THBS4: variants seen among roughly 807,000 people sequenced by gnomAD.
THBS4 encodes the protein thrombospondin-4.
In THBS4, 90 loss-of-function variants were observed where a neutral mutation model predicts 115.7. The ratio of observed to expected loss-of-function variants is 0.78; its 90% confidence interval spans 0.66 to 0.93. The LOEUF (loss-of-function observed/expected upper bound fraction) is 0.93, where lower values mean the gene tolerates loss of function less well. THBS4 is among the 40% of genes least tolerant of loss of function. THBS4 has a pLI of 0.00. For missense variants in THBS4, 1,087 were observed against 1,232.7 expected, an observed-to-expected ratio of 0.88 and a Z score of 1.77; for synonymous variants, 460 against 479.3, an observed-to-expected ratio of 0.96 and a Z score of 0.53.
At chr5:80,083,010 C>T (rs1048870538) in intron 21 of THBS4, 70 bp from the exon 22 acceptor site, 67 of 1,437,760 alleles carry the variant, frequency 4.7e-5, no homozygotes, top group Non-Finnish European at 6.6e-5. Context: ...ACGCCTGAGC[C>T]GCGGGCGGGG....
At chr5:80,011,468 A>G (rs1464087229) in intron 2 of THBS4, among the ~76,000 whole-genome samples, 2 of 152,178 alleles carry the variant, frequency 1.3e-5, no homozygotes, top group Non-Finnish European at 2.9e-5. Context: ...GGGAGAAGGG[A>G]TACTGGGGAG....
chr5:80,053,478 C>A (rs1833317787), intron 2 of THBS4, among the ~76,000 whole-genome samples: 1 of 150,740 alleles, frequency 6.6e-6, no homozygotes. Flanking sequence ...AGTTTTAGTT[C>A]CTAGAAGTGG....
At position 80,041,517 on chromosome 5, in the gene THBS4, G is replaced by A. The variant is rs537455914; in HGVS notation, c.292+1237G>A. Among the ~76,000 whole-genome samples, 17 of 152,236 alleles carry A rather than the reference G, an allele frequency of 1.1e-4. No homozygotes were observed. The South Asian group carries it at 1.2e-3, about 11-fold the overall frequency. On this transcript the variant is annotated intron_variant, in intron 2 of 21. Transcript: ENST00000350881. The stretch of plus-strand genomic sequence containing the variant: ...TAACTCCTTAAGCACCTACCTGGCC[G>A]TGATGGAAAGAATATACCTCAACCA...
intron 2 of THBS4, among the ~76,000 whole-genome samples, chr5:80,018,582 A>C (rs1832298724): frequency 6.6e-6 from 1 of 151,762 alleles, no homozygotes; most frequent in African/African-American, 2.4e-5. Flanking sequence ...TTTAGTAGAG[A>C]TGGGGTTTCA....
chr5:80,076,496 C>T (rs1449988489), intron 15 of THBS4, among the ~76,000 whole-genome samples: 1 of 152,230 alleles, frequency 6.6e-6, no homozygotes, highest in Non-Finnish European at 1.5e-5. Flanking sequence ...CCAGGATTTA[C>T]ACTGAGGCTG....
intron 12 of THBS4, 80 bp downstream of exon 12, chr5:80,070,830 T>A (rs1236303106): frequency 6.4e-7 from 1 of 1,572,222 alleles, no homozygotes; most frequent in Admixed American, 1.7e-5. Context: ...CAACTATGTA[T>A]ATGAATCATC....
At chr5:80,047,414 G>T (rs1289465960) in intron 2 of THBS4, among the ~76,000 whole-genome samples, 2 of 151,912 alleles carry the variant, frequency 1.3e-5, no homozygotes, top group Non-Finnish European at 2.9e-5. Context: ...TTTGTTTTCT[G>T]TTTTTTGTTT....
At chr5:80,045,657 A>G (rs1482410429) in intron 2 of THBS4, among the ~76,000 whole-genome samples, 3 of 151,848 alleles carry the variant, frequency 2.0e-5, no homozygotes, top group Non-Finnish European at 4.4e-5. Flanking sequence ...CAGCCTCCCA[A>G]TTAGCTGGGA....
At chr5:79,998,631 C>T (rs1417416412) in intron 2 of THBS4, among the ~76,000 whole-genome samples, 1 of 152,136 alleles carries the variant, frequency 6.6e-6, no homozygotes, top group Non-Finnish European at 1.5e-5. Context: ...TAATATCGTA[C>T]AATAGTTACA....
intron 4 of THBS4, 74 bp from the exon 5 acceptor site, chr5:80,058,634 A>G: frequency 8.0e-7 from 1 of 1,254,762 alleles, no homozygotes; most frequent in Non-Finnish European, 1.2e-6. Context: ...TTTCCTGGGG[A>G]ATAATTTGGT....
intron 2 of THBS4, among the ~76,000 whole-genome samples, chr5:80,010,840 G>C (rs1277509790): frequency 2.0e-5 from 3 of 152,264 alleles, no homozygotes; most frequent in Non-Finnish European, 4.4e-5. Flanking sequence ...CCAGGAAAGG[G>C]ATGTGACCTT....
At chr5:79,995,682 C>T (rs538511718) in intron 1 of THBS4, among the ~76,000 whole-genome samples, 121 of 152,000 alleles carry the variant, frequency 8.0e-4, no homozygotes, top group Non-Finnish European at 1.4e-3. Flanking sequence ...GGCTGGCAGG[C>T]ATTGAAAATG....
At chr5:80,025,282 A>G (rs771979764) in intron 2 of THBS4, among the ~76,000 whole-genome samples, 9 of 152,212 alleles carry the variant, frequency 5.9e-5, no homozygotes, top group Non-Finnish European at 1.2e-4. Flanking sequence ...ATATGAGTAC[A>G]AGGACATATG....
chr5:80,032,731 G>A (rs536892823), upstream of THBS4, among the ~76,000 whole-genome samples: 38 of 152,284 alleles, frequency 2.5e-4, no homozygotes, highest in South Asian at 5.4e-3. Flanking sequence ...CTGCTCTTCC[G>A]TCTTCTCCTG....
intron 2 of THBS4, among the ~76,000 whole-genome samples, chr5:80,029,060 A>G (rs1274381581): frequency 2.0e-5 from 3 of 152,202 alleles, no homozygotes; most frequent in East Asian, 1.9e-4. Flanking sequence ...AAGTAATACT[A>G]TTCATTTGCT....
Position 80,035,524 on chromosome 5 carries a change from C to A in THBS4, c.-14C>A. 1.5e-6 allele frequency: 2 copies of A among 1,352,288 alleles called. No individual in the cohort carries two copies. The highest frequency in any genetic ancestry group is 3.4e-5 in the Admixed American group (1 of 29,784). The allele number at this position is 1,352,288 out of a possible 1,614,324, so 83.8% of individuals were successfully genotyped here. A position where few individuals can be genotyped will look rare whatever the true frequency, so the allele number is the denominator to read the frequency against. On this transcript the variant is annotated 5_prime_UTR_variant, in exon 1 of 22. Coordinates refer to ENST00000350881, the MANE Select transcript of THBS4 (RefSeq NM_003248.6). The surrounding 1 kb of genome is among the most constrained non-coding windows in gnomAD (Gnocchi z 4.6). Reference sequence around the variant, plus strand: ...CCGTCGCCCCCGGCCTCGCGGGGAGCAGGAAGAGCCAACATGCTGGCCCCG... The same window carrying A: ...CCGTCGCCCCCGGCCTCGCGGGGAGAAGGAAGAGCCAACATGCTGGCCCCG...
intron 2 of THBS4, among the ~76,000 whole-genome samples, chr5:80,009,831 A>T (rs534770637): frequency 8.5e-5 from 13 of 152,210 alleles, no homozygotes; most frequent in Middle Eastern, 3.4e-3. Context: ...ATTGTTTTTT[A>T]AAAAAAGTTA....
In THBS4 at chr5:80,080,092, C is replaced by G; in HGVS notation, c.2684+15C>G. ...GGCTACATCAGGTAGGTAGAGGCCCCATCTCCTTACCTTGCTCTAGAAGCA... is the reference window on the plus strand; with the variant it reads ...GGCTACATCAGGTAGGTAGAGGCCCGATCTCCTTACCTTGCTCTAGAAGCA... On this transcript the variant is annotated intron_variant, in intron 20 of 21. Transcript: ENST00000350881. 1 of 1,610,340 alleles carries G rather than the reference C, an allele frequency of 6.2e-7. No individual in the cohort carries two copies. The highest frequency in any genetic ancestry group is 8.5e-7 in the Non-Finnish European group (1 of 1,178,194).
chr5:80,067,843 G>C (rs1833887576), intron 9 of THBS4, 130 bp from the exon 10 acceptor site: 1 of 1,006,578 alleles, frequency 9.9e-7, no homozygotes, highest in African/African-American at 1.6e-5. Flanking sequence ...AAAGAAGAAG[G>C]CATGGATCTG....
Sources: gnomAD v4.1 joint callset for allele counts (sites outside exome capture counted in the v4.1 genomes callset) on GRCh38, gnomAD v4.1.1 for gene constraint, Gnocchi (gnomAD v3.1) non-coding constraint, MANE v1.5 for transcripts, NCBI Gene and HGNC (gene_info 2026-07-23, HGNC 2026-07-21) for gene names.